Variants in RBFOX1 observed in about 807,000 individuals in gnomAD.
RBFOX1 encodes the protein RNA binding protein fox-1 homolog 1.
A neutral mutation model predicts 57.7 loss-of-function variants in RBFOX1; 8 were observed. That is an observed-to-expected ratio of 0.14 (90% CI 0.08 to 0.25). The LOEUF is 0.25. RBFOX1 is among the 10% of genes least tolerant of loss of function. The pLI is 1.00. For missense variants in RBFOX1, 611 were observed against 548.5 expected, an observed-to-expected ratio of 1.11 and a Z score of -1.14; for synonymous variants, 326 against 222.4, an observed-to-expected ratio of 1.47 and a Z score of -4.15.
chr16:7,567,714 A>G (rs1331053079), intron 5 of RBFOX1, among the ~76,000 whole-genome samples: 4 of 71,216 alleles, frequency 5.6e-5, no homozygotes, highest in African/African-American at 1.2e-4. Flanking sequence ...TAATCCCTAT[A>G]TATATATATC....
At chr16:6,634,997 T>G (rs12917847) in intron 2 of RBFOX1, among the ~76,000 whole-genome samples, 41,246 of 141,790 alleles carry the variant, frequency 0.29, 6,167 homozygotes, top group Admixed American at 0.33. Context: ...ATATATAATG[T>G]AATATAATAC....
intron 3 of RBFOX1, among the ~76,000 whole-genome samples, chr16:6,861,303 C>A (rs1002879498): frequency 6.6e-6 from 1 of 152,110 alleles, no homozygotes; most frequent in Non-Finnish European, 1.5e-5. Context: ...AACAAGGTCC[C>A]TTTCGAGTGC....
At chr16:7,606,100 G>A (rs953453519) in intron 9 of RBFOX1, among the ~76,000 whole-genome samples, 13 of 146,818 alleles carry the variant, frequency 8.9e-5, no homozygotes, top group South Asian at 2.2e-4. Flanking sequence ...CATGAGCCAC[G>A]GTGCCCGACC....
chr16:5,923,486 C>G (rs529326039), intron 4 of RBFOX1, among the ~76,000 whole-genome samples: 190 of 149,122 alleles, frequency 1.3e-3, no homozygotes, highest in African/African-American at 4.3e-3. Flanking sequence ...GAGCAGAGGA[C>G]AGATTGCGAA....
chr16:7,383,230 C>T (rs2097812690), intron 4 of RBFOX1, among the ~76,000 whole-genome samples: 1 of 151,224 alleles, frequency 6.6e-6, no homozygotes, highest in South Asian at 2.1e-4. Context: ...CTCATGTATC[C>T]CATAAACATA....
chr16:5,489,219 G>A (rs190044831), intron 2 of RBFOX1, among the ~76,000 whole-genome samples: 3 of 152,342 alleles, frequency 2.0e-5, no homozygotes, highest in Non-Finnish European at 2.9e-5. Flanking sequence ...TTTCTTTCCT[G>A]TTCTCCTCTC....
intron 10 of RBFOX1, among the ~76,000 whole-genome samples, chr16:7,626,698 A>T (rs1385496200): frequency 6.7e-6 from 1 of 150,066 alleles, no homozygotes; most frequent in African/African-American, 2.5e-5. Flanking sequence ...AGTTATTTAC[A>T]TGTAGTGTGT....
intron 1 of RBFOX1, among the ~76,000 whole-genome samples, chr16:5,254,147 A>T (rs2062525508): frequency 6.6e-6 from 1 of 152,216 alleles, no homozygotes; most frequent in African/African-American, 2.4e-5. Context: ...AAAAGATGGC[A>T]TGCCCATTTT....
intron 1 of RBFOX1, among the ~76,000 whole-genome samples, chr16:6,264,336 A>C (rs576439477): frequency 6.6e-6 from 1 of 152,154 alleles, no homozygotes; most frequent in African/African-American, 2.4e-5. Flanking sequence ...CTCCCAGTGA[A>C]GTTGCACTGG....
At chr16:5,954,275 A>C (rs943290610) in intron 4 of RBFOX1, among the ~76,000 whole-genome samples, 1 of 151,780 alleles carries the variant, frequency 6.6e-6, no homozygotes, top group African/African-American at 2.4e-5. Flanking sequence ...CCACCCACCC[A>C]CCTCTGGAGA....
intron 1 of RBFOX1, among the ~76,000 whole-genome samples, chr16:6,280,195 G>T (rs1298664131): frequency 2.6e-5 from 4 of 152,142 alleles, no homozygotes; most frequent in African/African-American, 9.7e-5. Flanking sequence ...AGTCTGCAGG[G>T]TGGCATTGTC....
intron 1 of RBFOX1, among the ~76,000 whole-genome samples, chr16:6,204,113 A>T (rs2097236834): frequency 6.6e-6 from 1 of 151,784 alleles, no homozygotes; most frequent in South Asian, 2.1e-4. Context: ...GGGTGGGGAG[A>T]ACACAGTTAT....
intron 4 of RBFOX1, among the ~76,000 whole-genome samples, chr16:7,406,180 CT>C (rs2098337202): frequency 6.6e-6 from 1 of 152,184 alleles, no homozygotes; most frequent in Non-Finnish European, 1.5e-5. Flanking sequence ...AAAACCTCAT[CT>C]AGATCATGAC....
intron 3 of RBFOX1, among the ~76,000 whole-genome samples, chr16:5,736,066 G>T (rs1456357272): frequency 1.3e-5 from 2 of 152,088 alleles, no homozygotes; most frequent in African/African-American, 4.8e-5. Flanking sequence ...TTCACAGGGG[G>T]ATTTGGACGT....
chr16:6,908,253 G>C (rs1471801466), intron 3 of RBFOX1, among the ~76,000 whole-genome samples: 1 of 151,626 alleles, frequency 6.6e-6, no homozygotes, highest in Admixed American at 6.6e-5. Context: ...CTCTCCTCCA[G>C]CCTTTCGGGT....
intron 4 of RBFOX1, among the ~76,000 whole-genome samples, chr16:7,202,310 AAAAAG>A (rs2088768336): frequency 1.3e-5 from 2 of 151,954 alleles, no homozygotes; most frequent in Admixed American, 6.6e-5. Flanking sequence ...AAAAAAAAAA[AAAAAG>A]AAGCACAGAA....
intron 2 of RBFOX1, among the ~76,000 whole-genome samples, chr16:6,446,043 C>T (rs1189536806): frequency 2.6e-5 from 4 of 152,124 alleles, no homozygotes; most frequent in Admixed American, 6.5e-5. Flanking sequence ...TAGCTCACTT[C>T]AGCCTTCAAC....
At chr16:7,599,012 G>A (rs917585740) in intron 9 of RBFOX1, among the ~76,000 whole-genome samples, 13 of 152,162 alleles carry the variant, frequency 8.5e-5, no homozygotes, top group South Asian at 2.1e-4. Flanking sequence ...GGGACATACC[G>A]TCTATATAAT....
In RBFOX1 at chr16:7,697,184, C is replaced by T. The variant is rs934745316; in HGVS notation, c.996-11872C>T. The stretch of plus-strand genomic sequence containing the variant: ...CAATGGGGGGGCCCTTACAGCTGTC[C>T]AGAGAGGGGTGACAATGGCTTGGGT... On this transcript the variant is annotated intron_variant, in intron 14 of 15. Coordinates refer to ENST00000550418, the MANE Select transcript of RBFOX1 (RefSeq NM_018723.4). Among the ~76,000 whole-genome samples, 7 of 152,036 alleles carry T rather than the reference C, an allele frequency of 4.6e-5. No homozygotes were observed. In the East Asian group the frequency reaches 5.8e-4, roughly 13 times the overall value.
Sources: gnomAD v4.1 joint callset for allele counts (sites outside exome capture counted in the v4.1 genomes callset) on GRCh38, gnomAD v4.1.1 for gene constraint, MANE v1.5 for transcripts, NCBI Gene and HGNC (gene_info 2026-07-23, HGNC 2026-07-21) for gene names.